SNTG1: variants seen among roughly 807,000 people sequenced by gnomAD.
SNTG1 encodes syntrophin gamma 1.
SNTG1 carries 39 observed loss-of-function variants against 74.7 expected under a neutral mutation model. That is an observed-to-expected ratio of 0.52 (90% CI 0.40 to 0.68). The LOEUF (loss-of-function observed/expected upper bound fraction) is 0.68. Among genes scored for constraint, SNTG1 ranks in the 30% least tolerant of loss-of-function variants. The pLI is 0.00. For synonymous variants in SNTG1, 254 were observed against 217.1 expected (o/e 1.17, Z -1.49); for missense variants, 685 against 609.5 (o/e 1.12, Z -1.30).
In SNTG1 at chr8:50,060,864, T is replaced by C. The variant is rs186642821; in HGVS notation, c.-102-111697T>C. ...CTGTTGATATGGTATATTACATTGA[T>C]CGATTTTTGCATGTCAAACCAGCAA... On this transcript the variant is annotated intron_variant, in intron 1 of 18. Transcript: ENST00000642720. Among the ~76,000 whole-genome samples, 269 of 152,276 alleles carry C rather than the reference T, an allele frequency of 1.8e-3. 2 individuals carry two copies. Among genetic ancestry groups the C allele is most frequent in the Non-Finnish European group, 2.2e-3 (149 of 68,006 alleles).
intron 1 of SNTG1, among the ~76,000 whole-genome samples, chr8:50,055,197 A>G (rs1347692400): frequency 6.6e-6 from 1 of 152,088 alleles, no homozygotes; most frequent in Non-Finnish European, 1.5e-5. Context: ...TGCTTCTAGG[A>G]CTTTTTCCCT....
intron 1 of SNTG1, among the ~76,000 whole-genome samples, chr8:50,101,605 T>C (rs1190780619): frequency 6.6e-6 from 1 of 152,056 alleles, no homozygotes; most frequent in Non-Finnish European, 1.5e-5. Flanking sequence ...ATGTGCACAA[T>C]GTGCAGGTTA....
At chr8:50,502,623 T>C (rs1423337135) in intron 8 of SNTG1, among the ~76,000 whole-genome samples, 155 bp from the exon 9 acceptor site, 1 of 152,170 alleles carries the variant, frequency 6.6e-6, no homozygotes, top group African/African-American at 2.4e-5. Flanking sequence ...CTTACTGCAA[T>C]GATAAATAAT....
intron 15 of SNTG1, among the ~76,000 whole-genome samples, chr8:50,699,147 C>CA (rs1210391538): frequency 1.3e-5 from 2 of 151,318 alleles, no homozygotes; most frequent in Non-Finnish European, 2.9e-5. Flanking sequence ...GTACCCTGTG[C>CA]TTTTTTTTAA....
chr8:50,001,422 T>C (rs1281653777), intron 1 of SNTG1, among the ~76,000 whole-genome samples: 1 of 152,126 alleles, frequency 6.6e-6, no homozygotes, highest in African/African-American at 2.4e-5. Flanking sequence ...CTAGAAACTA[T>C]ATTAGTGTTT....
intron 2 of SNTG1, among the ~76,000 whole-genome samples, chr8:50,177,983 G>A (rs1311027658): frequency 1.3e-5 from 2 of 152,118 alleles, no homozygotes; most frequent in Non-Finnish European, 2.9e-5. Context: ...TAGCCTTTCA[G>A]AATGGCTTCC....
intron 1 of SNTG1, among the ~76,000 whole-genome samples, chr8:50,036,859 G>A (rs1450154904): frequency 6.6e-6 from 1 of 152,070 alleles, no homozygotes; most frequent in Admixed American, 6.5e-5. Flanking sequence ...CTAACAGTAG[G>A]CATTGTTCAC....
At chr8:49,914,996 A>G (rs1303354850) in intron 1 of SNTG1, 1 of 152,198 alleles carries the variant, frequency 6.6e-6, no homozygotes, top group Non-Finnish European at 1.5e-5. Flanking sequence ...AGCACATAGC[A>G]TGTGTTGGAA....
intron 3 of SNTG1, among the ~76,000 whole-genome samples, chr8:50,399,728 T>C (rs1010296586): frequency 6.6e-6 from 1 of 152,104 alleles, no homozygotes; most frequent in Non-Finnish European, 1.5e-5. Context: ...TCGGCCCCTC[T>C]CCAATATCCT....
At chr8:50,651,898 C>T (rs1296652007) in intron 13 of SNTG1, among the ~76,000 whole-genome samples, 1 of 151,940 alleles carries the variant, frequency 6.6e-6, no homozygotes, top group Non-Finnish European at 1.5e-5. Context: ...TCTGTCTCGG[C>T]CTCCCGAGTA....
Position 50,614,872 on chromosome 8 carries a change from A to T in SNTG1, c.849+23955A>T, listed in dbSNP as rs1395409862. Among the ~76,000 whole-genome samples the T allele has an allele frequency of 3.3e-5, 5 of 152,102 alleles. No homozygotes were observed. The East Asian group carries it at 9.6e-4, about 29-fold the overall frequency. ...ATATCAAAATATTAATTATTACTTA[A>T]TACAATTATTTTAAACATTTCTGAT... On this transcript the variant is annotated intron_variant, in intron 13 of 18. Transcript: ENST00000642720.
intron 8 of SNTG1, among the ~76,000 whole-genome samples, chr8:50,458,665 G>A (rs2093530932): frequency 6.6e-6 from 1 of 151,864 alleles, no homozygotes. Context: ...CACTTGCCAT[G>A]AAGTAGCATC....
intron 13 of SNTG1, among the ~76,000 whole-genome samples, chr8:50,597,750 C>G (rs905828914): frequency 3.3e-5 from 5 of 151,780 alleles, no homozygotes; most frequent in African/African-American, 1.2e-4. Context: ...TGATAATAGT[C>G]ATTTGAACTG....
intron 1 of SNTG1, among the ~76,000 whole-genome samples, chr8:50,092,216 G>A (rs1363113902): frequency 6.6e-6 from 1 of 152,124 alleles, no homozygotes; most frequent in East Asian, 1.9e-4. Flanking sequence ...TTCATACGTG[G>A]GGATGAATCA....
At chr8:50,666,690 C>A (rs563958615) in intron 15 of SNTG1, among the ~76,000 whole-genome samples, 81 of 152,088 alleles carry the variant, frequency 5.3e-4, no homozygotes, top group Non-Finnish European at 8.7e-4. Flanking sequence ...TTATAGAAAT[C>A]CCTAAAGGCT....
intron 4 of SNTG1, among the ~76,000 whole-genome samples, chr8:50,435,437 T>G (rs937089545): frequency 6.6e-6 from 1 of 152,206 alleles, no homozygotes; most frequent in African/African-American, 2.4e-5. Flanking sequence ...GTCTGATTTA[T>G]GAGCTGAGTA....
chr8:50,371,227 C>A (rs372192538), intron 2 of SNTG1, among the ~76,000 whole-genome samples: 3 of 152,128 alleles, frequency 2.0e-5, no homozygotes, highest in Non-Finnish European at 2.9e-5. Flanking sequence ...TATTATGTGG[C>A]GTGAGCTGCC....
chr8:50,514,250 C>T (rs1226342239), intron 9 of SNTG1, among the ~76,000 whole-genome samples: 1 of 151,830 alleles, frequency 6.6e-6, no homozygotes, highest in Non-Finnish European at 1.5e-5. Flanking sequence ...CTTCTGCTAC[C>T]TTGGGTTTAG....
At chr8:50,712,153 C>G (rs1310605335) in intron 17 of SNTG1, among the ~76,000 whole-genome samples, 1 of 152,190 alleles carries the variant, frequency 6.6e-6, no homozygotes, top group Non-Finnish European at 1.5e-5. Flanking sequence ...AGGGCATACA[C>G]ATCAGTCTTC....
Sources: allele counts gnomAD v4.1 joint callset (sites outside exome capture counted in the v4.1 genomes callset), GRCh38; gene constraint gnomAD v4.1.1; transcripts MANE v1.5; gene names NCBI Gene and HGNC (gene_info 2026-07-23, HGNC 2026-07-21).